GRB14: variants seen among roughly 807,000 people sequenced by gnomAD.
GRB14 encodes growth factor receptor-bound protein 14.
Under a neutral mutation model 69.1 loss-of-function variants are expected in GRB14, and 38 were observed. The observed-to-expected ratio is 0.55, with a 90% CI of 0.42 to 0.72. GRB14 has a LOEUF of 0.72. Ranked by LOEUF, GRB14 falls within the 30% of genes least tolerant of loss-of-function variation. The probability of loss-of-function intolerance (pLI) is 0.00; values close to 1 mark genes in which losing one functional copy is unlikely to be tolerated. For synonymous variants in GRB14, 247 were observed against 241.3 expected (o/e 1.02, Z -0.22); for missense variants, 666 against 666.1 (o/e 1.00, Z 0.00).
chr2:164,521,147 T>TAGAC (rs568038270), intron 6 of GRB14, among the ~76,000 whole-genome samples: 2 of 152,042 alleles, frequency 1.3e-5, no homozygotes, highest in Non-Finnish European at 1.5e-5. Flanking sequence ...AATTGTGAGA[T>TAGAC]AGACAGACAG....
At position 164,621,071 on chromosome 2, in the gene GRB14, C is replaced by T; in HGVS notation, c.191+48G>A. ...CTAGGACCGCCTCCTCACCCCCTCG[C>T]CGGCTGCCCAGCCAGGACACTCCCC... On this transcript the variant is annotated intron_variant, in intron 1 of 13. Coordinates refer to ENST00000263915, the MANE Select transcript of GRB14 (RefSeq NM_004490.3). This position sits in a 1 kb window ranked among gnomAD's most constrained non-coding sequence, Gnocchi z 6.0. 1 of 1,242,430 alleles carries T rather than the reference C, an allele frequency of 8.0e-7. No individual in the cohort carries two copies. Among genetic ancestry groups the T allele is most frequent in the Non-Finnish European group, 1.0e-6 (1 of 985,682 alleles). The allele number at this position is 1,242,430 out of a possible 1,614,324, so 77.0% of individuals were successfully genotyped here.
At chr2:164,496,623 T>C (rs1332818933) in intron 12 of GRB14, among the ~76,000 whole-genome samples, 1 of 120,274 alleles carries the variant, frequency 8.3e-6, no homozygotes, top group Admixed American at 9.7e-5. Flanking sequence ...ACATTTGACA[T>C]AATGTCATAA....
chr2:164,559,735 G>A (rs951584419), intron 2 of GRB14, among the ~76,000 whole-genome samples: 19 of 152,104 alleles, frequency 1.2e-4, no homozygotes, highest in African/African-American at 4.3e-4. Flanking sequence ...TGTGGATTGT[G>A]CTGCTGTAAA....
chr2:164,526,547 A>G (rs981185509), intron 4 of GRB14, among the ~76,000 whole-genome samples: 1 of 152,076 alleles, frequency 6.6e-6, no homozygotes, highest in South Asian at 2.1e-4. Flanking sequence ...TGGCTAAGTT[A>G]TAATACTCTC....
At chr2:164,601,371 T>G (rs1689909711) in intron 2 of GRB14, among the ~76,000 whole-genome samples, 1 of 152,120 alleles carries the variant, frequency 6.6e-6, no homozygotes, top group Non-Finnish European at 1.5e-5. Context: ...TCAGAACATA[T>G]TAAGGTTGGT....
intron 2 of GRB14, among the ~76,000 whole-genome samples, chr2:164,616,653 C>T (rs1158829103): frequency 6.6e-6 from 1 of 152,122 alleles, no homozygotes; most frequent in Non-Finnish European, 1.5e-5. Flanking sequence ...TGGTTTTTGA[C>T]TGTGATTTTG....
chr2:164,508,057 C>T (rs959403844), intron 8 of GRB14, among the ~76,000 whole-genome samples: 1 of 152,150 alleles, frequency 6.6e-6, no homozygotes, highest in African/African-American at 2.4e-5. Flanking sequence ...GAATCGAACA[C>T]AAAACAGTTA....
At chr2:164,566,420 C>T (rs1184507389) in intron 2 of GRB14, among the ~76,000 whole-genome samples, 2 of 151,936 alleles carry the variant, frequency 1.3e-5, no homozygotes, top group Admixed American at 1.3e-4. Flanking sequence ...TATGTGCACT[C>T]ACTGAAAAAA....
intron 9 of GRB14, among the ~76,000 whole-genome samples, chr2:164,499,561 TCTC>T (rs1344198016): frequency 6.6e-6 from 1 of 152,118 alleles, no homozygotes; most frequent in Admixed American, 6.6e-5. Context: ...CTCCAACACT[TCTC>T]CCCTTTTCTA....
intron 3 of GRB14, among the ~76,000 whole-genome samples, chr2:164,535,493 C>T (rs1688057043): frequency 3.3e-5 from 5 of 152,146 alleles, no homozygotes; most frequent in Admixed American, 2.0e-4. Flanking sequence ...ACTCTTCTCT[C>T]ACTTGATAAG....
chr2:164,600,767 CT>C (rs1399335599), intron 2 of GRB14, among the ~76,000 whole-genome samples: 4 of 152,028 alleles, frequency 2.6e-5, no homozygotes, highest in Non-Finnish European at 4.4e-5. Flanking sequence ...TTATTAATTT[CT>C]TTTTTTAAAT....
intron 2 of GRB14, among the ~76,000 whole-genome samples, chr2:164,569,658 A>C (rs1477411175): frequency 1.3e-5 from 2 of 152,180 alleles, no homozygotes; most frequent in Non-Finnish European, 2.9e-5. Flanking sequence ...TTTAATATGC[A>C]TGGTGAGCTC....
At chr2:164,549,067 G>A (rs1303050942) in intron 2 of GRB14, among the ~76,000 whole-genome samples, 1 of 151,650 alleles carries the variant, frequency 6.6e-6, no homozygotes, top group East Asian at 1.9e-4. Context: ...TTTTAGTAGA[G>A]ACGGGCTTTC....
At chr2:164,606,282 T>C (rs547492945) in intron 2 of GRB14, among the ~76,000 whole-genome samples, 1 of 152,270 alleles carries the variant, frequency 6.6e-6, no homozygotes, top group Non-Finnish European at 1.5e-5. Flanking sequence ...AAATCCCTTT[T>C]AGAAATCATT....
chr2:164,599,032 C>T (rs1217323868), intron 2 of GRB14, among the ~76,000 whole-genome samples: 8 of 152,190 alleles, frequency 5.3e-5, no homozygotes. Context: ...GTGAAGGTCA[C>T]TTTCCCTAAA....
At chr2:164,616,989 G>C (rs1263438970) in intron 2 of GRB14, among the ~76,000 whole-genome samples, 1 of 152,120 alleles carries the variant, frequency 6.6e-6, no homozygotes, top group Non-Finnish European at 1.5e-5. Context: ...CTACTGAGTT[G>C]GGGGACTCAC....
chr2:164,576,901 C>G (rs1188709035), intron 2 of GRB14, among the ~76,000 whole-genome samples: 2 of 149,936 alleles, frequency 1.3e-5, no homozygotes, highest in Non-Finnish European at 3.0e-5. Flanking sequence ...CAGATAAATA[C>G]TGAAACAAAT....
At chr2:164,546,053 T>C (rs757672485) in intron 3 of GRB14, among the ~76,000 whole-genome samples, 4 of 152,228 alleles carry the variant, frequency 2.6e-5, no homozygotes, top group Non-Finnish European at 5.9e-5. Context: ...TGTGCTACAA[T>C]TGACTCAAAA....
At chr2:164,568,283 T>A (rs1167517347) in intron 2 of GRB14, 2 of 1,258,904 alleles carry the variant, frequency 1.6e-6, no homozygotes, top group Non-Finnish European at 2.1e-6. Flanking sequence ...GCAAGAAAAA[T>A]TAAAGAAAAA....
Sources: allele counts gnomAD v4.1 joint callset (sites outside exome capture counted in the v4.1 genomes callset), GRCh38; gene constraint gnomAD v4.1.1; non-coding constraint Gnocchi (gnomAD v3.1); transcripts MANE v1.5; gene names NCBI Gene and HGNC (gene_info 2026-07-23, HGNC 2026-07-21).